The following PITPNM2 variants were observed in gnomAD, a reference collection of about 807,000 sequenced individuals.
PITPNM2 encodes the protein membrane-associated phosphatidylinositol transfer protein 2.
Under a neutral mutation model 132.2 loss-of-function variants are expected in PITPNM2, and 35 were observed. That is an observed-to-expected ratio of 0.26 (90% CI 0.20 to 0.35). The LOEUF is 0.35. PITPNM2 is among the 10% of genes least tolerant of loss of function. PITPNM2 has a pLI of 1.00. For missense variants in PITPNM2, 1,332 were observed against 1,912.0 expected (o/e 0.70, Z 5.66); for synonymous variants, 738 against 799.2 (o/e 0.92, Z 1.29).
At position 123,099,702 on chromosome 12, in the gene PITPNM2, G is replaced by T. The variant is rs1173065833; in HGVS notation, c.-96+10683C>A. 6.6e-6 allele frequency among the ~76,000 whole-genome samples: 1 copy of T among 152,146 alleles called. No homozygotes were observed. The highest frequency in any genetic ancestry group is 2.4e-5 in the African/African-American group (1 of 41,422). Reference sequence around the variant, plus strand: ...TGGCTCCAGGTCCCACTGTGTGCCTGGGTTCAGATGCCTATCCATGCTGGC... The same window carrying T: ...TGGCTCCAGGTCCCACTGTGTGCCTTGGTTCAGATGCCTATCCATGCTGGC... On this transcript the variant is annotated intron_variant, in intron 2 of 25. Coordinates refer to ENST00000320201, the MANE Select transcript of PITPNM2 (RefSeq NM_020845.3). This position sits in a 1 kb window ranked among gnomAD's most constrained non-coding sequence, Gnocchi z 4.2.
chr12:123,143,613 G>A (rs1042126859), intron 1 of PITPNM2, among the ~76,000 whole-genome samples: 4 of 152,170 alleles, frequency 2.6e-5, no homozygotes, highest in African/African-American at 7.2e-5. Context: ...AAACACCTCC[G>A]TAAGAGGATT....
At chr12:123,052,743 A>C (rs2040903475) in intron 2 of PITPNM2, among the ~76,000 whole-genome samples, 1 of 151,914 alleles carries the variant, frequency 6.6e-6, no homozygotes, top group Non-Finnish European at 1.5e-5. Flanking sequence ...ATGCTGTAAT[A>C]ATATATTCAG....
chr12:123,124,583 A>G (rs893964002), intron 1 of PITPNM2, among the ~76,000 whole-genome samples: 1 of 152,198 alleles, frequency 6.6e-6, no homozygotes, highest in Non-Finnish European at 1.5e-5. Flanking sequence ...TTTTATTATT[A>G]TTATTATACT....
Position 123,005,313 on chromosome 12 carries a change from C to T in PITPNM2, c.879G>A (p.Glu293=), listed in dbSNP as rs2038880634. The change falls in exon 7 of 26, where the codon GAG becomes GAA. Residue 293 remains glutamate (E), a synonymous_variant. Transcript: ENST00000320201. This position sits in a 1 kb window ranked among gnomAD's most constrained non-coding sequence, Gnocchi z 6.2. The part of the protein sequence containing the change: ...EPPEPSSSNG[E]PLVGRGLKKQ... ...TCTTGAGGCCGCGCCCCACTAGGGG[C>T]TCCCCATTGCTGCTGCTGGGCTCCG... 6.2e-7 allele frequency: 1 copy of T among 1,614,104 alleles called. No individual in the cohort carries two copies. Among genetic ancestry groups the T allele is most frequent in the Non-Finnish European group, 8.5e-7 (1 of 1,180,028 alleles).
intron 2 of PITPNM2, among the ~76,000 whole-genome samples, chr12:123,072,250 G>C (rs1349827407): frequency 6.6e-6 from 1 of 152,198 alleles, no homozygotes; most frequent in Non-Finnish European, 1.5e-5. Flanking sequence ...GTGCACACCA[G>C]GAAACTGAGG....
chr12:123,069,264 A>G (rs1478304247), intron 2 of PITPNM2, among the ~76,000 whole-genome samples: 1 of 151,348 alleles, frequency 6.6e-6, no homozygotes, highest in Non-Finnish European at 1.5e-5. Context: ...AAAAAAAAGG[A>G]AAAAAATGCA....
chr12:122,987,672 G>A lies in PITPNM2; in HGVS notation c.3115-13C>T, dbSNP rs1269378263. 1.2e-6 allele frequency: 2 copies of A among 1,611,486 alleles called. No homozygotes were observed. The highest frequency in any genetic ancestry group is 3.3e-5 in the Admixed American group (2 of 59,870). ...TGTGCACATCCACCTGGGCCCAGCA[G>A]GCTGGTCACGGGCTGGCTGTGTCTG... is the stretch of plus-strand genomic sequence containing the variant. On this transcript the variant is annotated splice_polypyrimidine_tract_variant and intron_variant, in intron 21 of 25. Transcript: ENST00000320201.
chr12:123,013,275 G>C (rs1037882496), intron 4 of PITPNM2, among the ~76,000 whole-genome samples: 1 of 152,238 alleles, frequency 6.6e-6, no homozygotes, highest in Non-Finnish European at 1.5e-5. Flanking sequence ...CTCAGCAGTA[G>C]ACAGCTTGTG....
At chr12:122,999,551 C>G (rs1454315795) in intron 10 of PITPNM2, among the ~76,000 whole-genome samples, 2 of 152,140 alleles carry the variant, frequency 1.3e-5, no homozygotes, top group East Asian at 3.8e-4. Flanking sequence ...GGGCTTGGCA[C>G]TGGGGGCTGA....
At chr12:123,127,083 T>A (rs1163020436) in intron 1 of PITPNM2, among the ~76,000 whole-genome samples, 2 of 152,198 alleles carry the variant, frequency 1.3e-5, no homozygotes, top group Non-Finnish European at 2.9e-5. Context: ...GGTTCATCCC[T>A]CCTCAAGTCA....
At chr12:123,065,210 C>T (rs1005746833) in intron 2 of PITPNM2, among the ~76,000 whole-genome samples, 1 of 152,192 alleles carries the variant, frequency 6.6e-6, no homozygotes, top group African/African-American at 2.4e-5. Flanking sequence ...GAAGGCTTTC[C>T]GAGAGCATCC....
At chr12:123,105,264 C>G (rs1034485133) in intron 2 of PITPNM2, 1 of 152,172 alleles carries the variant, frequency 6.6e-6, no homozygotes, top group Non-Finnish European at 1.5e-5. Context: ...CGAGTGTCTA[C>G]CCCCACTAGA....
At chr12:123,132,303 C>T (rs1388768023) in intron 1 of PITPNM2, among the ~76,000 whole-genome samples, 1 of 152,188 alleles carries the variant, frequency 6.6e-6, no homozygotes, top group African/African-American at 2.4e-5. Flanking sequence ...CTCCACTCCC[C>T]CAAGAGCATG....
Position 123,023,227 on chromosome 12 carries a change from C to T in PITPNM2, c.79-9185G>A, listed in dbSNP as rs1191273168. 6.6e-6 allele frequency among the ~76,000 whole-genome samples: 1 copy of T among 152,238 alleles called. No homozygotes were observed. Among genetic ancestry groups the T allele is most frequent in the East Asian group, 1.9e-4 (1 of 5,194 alleles). On this transcript the variant is annotated intron_variant, in intron 3 of 25. Transcript: ENST00000320201. This position sits in a 1 kb window ranked among gnomAD's most constrained non-coding sequence, Gnocchi z 4.8. ...GGTGTATGGCGCAGGGAACTGAGGG[C>T]TGTGCTCCCTGTGAGGGGCTCACTG...
intron 10 of PITPNM2, among the ~76,000 whole-genome samples, chr12:122,998,839 G>A (rs1033920609): frequency 2.0e-5 from 3 of 152,168 alleles, no homozygotes; most frequent in Admixed American, 1.3e-4. Context: ...GTGGCTGGGC[G>A]CAGTGGCTCG....
At chr12:123,137,735 A>C (rs1485843545) in intron 1 of PITPNM2, among the ~76,000 whole-genome samples, 1 of 152,040 alleles carries the variant, frequency 6.6e-6, no homozygotes, top group East Asian at 1.9e-4. Flanking sequence ...TCTACTAAAA[A>C]TACAAAAATT....
chr12:123,012,335 T>G (rs760111153), intron 5 of PITPNM2, among the ~76,000 whole-genome samples: 3 of 152,166 alleles, frequency 2.0e-5, no homozygotes, highest in Non-Finnish European at 4.4e-5. Flanking sequence ...CGAGCCCATA[T>G]GTACTTCTGG....
At chr12:123,037,787 T>TA (rs1443289770) in intron 2 of PITPNM2, among the ~76,000 whole-genome samples, 1 of 152,144 alleles carries the variant, frequency 6.6e-6, no homozygotes, top group Non-Finnish European at 1.5e-5. Context: ...TCACCTCAAA[T>TA]AACAACCAGG....
intron 2 of PITPNM2, among the ~76,000 whole-genome samples, chr12:123,051,972 G>A (rs1366645612): frequency 6.6e-6 from 1 of 150,442 alleles, no homozygotes; most frequent in Non-Finnish European, 1.5e-5. Context: ...GCGCCATCTC[G>A]GCTCATTGCA....
Sources: allele counts gnomAD v4.1 joint callset (sites outside exome capture counted in the v4.1 genomes callset), GRCh38; gene constraint gnomAD v4.1.1; non-coding constraint Gnocchi (gnomAD v3.1); transcripts MANE v1.5; gene names NCBI Gene and HGNC (gene_info 2026-07-23, HGNC 2026-07-21).